The following SEZ6L variants were observed in gnomAD, a reference collection of about 807,000 sequenced individuals.
The protein encoded by SEZ6L is seizure related 6 homolog like, also known as seizure 6-like protein.
In SEZ6L, 37 loss-of-function variants were observed where a neutral mutation model predicts 106.2. That is an observed-to-expected ratio of 0.35 (90% CI 0.27 to 0.46). The LOEUF is 0.46. Among genes scored for constraint, SEZ6L ranks in the 20% least tolerant of loss-of-function variants. SEZ6L has a pLI of 1.00. For synonymous variants in SEZ6L, 541 were observed against 570.4 expected (o/e 0.95, Z 0.73); for missense variants, 1,172 against 1,332.8 (o/e 0.88, Z 1.88).
chr22:26,327,338 A>G (rs1345418823), intron 9 of SEZ6L, among the ~76,000 whole-genome samples: 1 of 111,248 alleles, frequency 9.0e-6, no homozygotes, highest in African/African-American at 3.7e-5. Flanking sequence ...ACCCCCACAC[A>G]CACACCACAC....
chr22:26,319,989 A>G (rs2082110300), intron 9 of SEZ6L, among the ~76,000 whole-genome samples: 1 of 152,228 alleles, frequency 6.6e-6, no homozygotes, highest in African/African-American at 2.4e-5. Context: ...CCTTCTGGGG[A>G]CATGGCCTCC....
chr22:26,345,724 G>A (rs1206989722), intron 10 of SEZ6L, among the ~76,000 whole-genome samples: 2 of 152,234 alleles, frequency 1.3e-5, no homozygotes, highest in East Asian at 3.8e-4. Flanking sequence ...CCTGCAGACA[G>A]CGGAGGTGCT....
intron 1 of SEZ6L, among the ~76,000 whole-genome samples, chr22:26,179,483 C>T (rs1939243967): frequency 6.6e-6 from 1 of 152,168 alleles, no homozygotes; most frequent in African/African-American, 2.4e-5. Flanking sequence ...AAGAAACAGG[C>T]TCTCACCAGA....
At position 26,382,162 on chromosome 22, in the gene SEZ6L, G is replaced by A. The variant is rs1157921696; in HGVS notation, c.*1867G>A. The A allele has an allele frequency of 2.3e-6, 1 of 432,620 alleles. No homozygotes were observed. Among genetic ancestry groups the A allele is most frequent in the Non-Finnish European group, 4.6e-6 (1 of 216,346 alleles). 26.8% of individuals were successfully genotyped at this position (432,620 alleles called of 1,614,324 possible). On this transcript the variant is annotated 3_prime_UTR_variant, in exon 17 of 17. Transcript: ENST00000248933. ...AGAAATAGCTAAAGGCTGCTTTCCA[G>A]GACCCAAAGCCCCATTTAATGCAAG...
rs1242748008 is a variant in SEZ6L at position 26,377,771 on chromosome 22, CAG to C, written c.3042_3043del (p.Glu1016AsnfsTer5). 5 of 1,606,614 alleles carry C rather than the reference CAG, an allele frequency of 3.1e-6. No individual in the cohort carries two copies. The highest frequency in any genetic ancestry group is 2.7e-5 in the African/African-American group (2 of 74,758). On this transcript the variant is annotated frameshift_variant and splice_region_variant, in exon 16 of 17. Coordinates refer to ENST00000248933, the MANE Select transcript of SEZ6L (RefSeq NM_021115.5). LOFTEE classifies it high-confidence loss of function. ...GAGTTTGACAACCCCATTTACGAGA[CAG>C]GGGTGAGTTGGTCTCTCTCGTCTCT... is the stretch of plus-strand genomic sequence containing the variant.
intron 1 of SEZ6L, among the ~76,000 whole-genome samples, chr22:26,212,595 G>T (rs1220013095): frequency 1.3e-5 from 2 of 152,008 alleles, no homozygotes; most frequent in Non-Finnish European, 2.9e-5. Flanking sequence ...CCCAATTTTT[G>T]TATTTTTTGT....
At position 26,220,905 on chromosome 22, in the gene SEZ6L, ATGG is replaced by A. The variant is rs2078447113; in HGVS notation, c.94+51143_94+51145del. ...AAATACTGTATGAATGGATGGATGG[ATGG>A]ATGGATGGATGGATGGATGGGTGGA... On this transcript the variant is annotated intron_variant, in intron 1 of 16. Transcript: ENST00000248933. Among the ~76,000 whole-genome samples, 5 of 151,552 alleles carry A rather than the reference ATGG, an allele frequency of 3.3e-5. 1 individual carries two copies. Among genetic ancestry groups the A allele is most frequent in the Admixed American group, 3.3e-4 (5 of 15,194 alleles).
intron 1 of SEZ6L, among the ~76,000 whole-genome samples, chr22:26,283,764 T>G (rs566186061): frequency 1.9e-4 from 29 of 152,232 alleles, no homozygotes; most frequent in African/African-American, 6.7e-4. Flanking sequence ...AAATGCCACA[T>G]TCAGGGCAGT....
chr22:26,247,800 G>T (rs1304527116), intron 1 of SEZ6L, among the ~76,000 whole-genome samples: 1 of 152,188 alleles, frequency 6.6e-6, no homozygotes, highest in Non-Finnish European at 1.5e-5. Context: ...AAATTGTGAT[G>T]ATATAGCGGA....
chr22:26,371,401 C>T (rs1048215234), intron 13 of SEZ6L, among the ~76,000 whole-genome samples: 5 of 152,150 alleles, frequency 3.3e-5, no homozygotes, highest in South Asian at 4.2e-4. Context: ...TCCACCTCCT[C>T]GCCAGCACTG....
At chr22:26,294,222 A>ACC in intron 2 of SEZ6L, 70 bp from the exon 3 acceptor site, 1 of 1,530,966 alleles carries the variant, frequency 6.5e-7, no homozygotes. Context: ...CCCCCATTCC[A>ACC]CCCCACAGCC....
intron 1 of SEZ6L, among the ~76,000 whole-genome samples, chr22:26,286,774 T>G (rs2080947788): frequency 6.8e-6 from 1 of 146,082 alleles, no homozygotes; most frequent in Admixed American, 7.0e-5. Flanking sequence ...TGAGATGGAA[T>G]TTTTGCTCTG....
At chr22:26,222,683 C>A (rs575605595) in intron 1 of SEZ6L, among the ~76,000 whole-genome samples, 17 of 152,208 alleles carry the variant, frequency 1.1e-4, no homozygotes, top group African/African-American at 3.6e-4. Flanking sequence ...CCGGGGGGAA[C>A]GCCCACATAC....
At chr22:26,348,660 AAG>A (rs1239830783) in intron 11 of SEZ6L, among the ~76,000 whole-genome samples, 2 of 61,936 alleles carry the variant, frequency 3.2e-5, no homozygotes, top group African/African-American at 1.6e-4. Context: ...GAAAGAAAGA[AAG>A]AAAGAAAGAA....
At chr22:26,239,173 A>G (rs933027057) in intron 1 of SEZ6L, among the ~76,000 whole-genome samples, 6 of 152,182 alleles carry the variant, frequency 3.9e-5, no homozygotes, top group African/African-American at 1.2e-4. Flanking sequence ...GCAGTGAGCC[A>G]TGATCGGGCC....
Position 26,365,479 on chromosome 22 carries a change from G to A in SEZ6L, c.2707G>A (p.Glu903Lys), listed in dbSNP as rs754107857. ...AGAGTCCCTCACCTTCATGTGCTAC[G>A]AAGGCTTTGAGCTCATGGGTGAAGT... The part of the protein sequence containing the change: ...PGESLTFMCY[E>K]GFELMGEVTI... Residue 903 changes from glutamate to lysine, a missense_variant, in exon 13 of 17, where the codon GAA (glutamate) becomes AAA (lysine). Glu to Lys is a moderately conservative substitution (Grantham distance 56). Coordinates refer to ENST00000248933, the MANE Select transcript of SEZ6L (RefSeq NM_021115.5). 7 of 1,614,182 alleles carry A rather than the reference G, an allele frequency of 4.3e-6. No individual in the cohort carries two copies. The highest frequency in any genetic ancestry group is 4.5e-5 in the East Asian group (2 of 44,884).
intron 1 of SEZ6L, among the ~76,000 whole-genome samples, chr22:26,273,687 G>A (rs944806919): frequency 6.6e-6 from 1 of 152,236 alleles, no homozygotes; most frequent in Non-Finnish European, 1.5e-5. Context: ...TGGAGGAAGA[G>A]GGTAGAGATG....
intron 9 of SEZ6L, among the ~76,000 whole-genome samples, chr22:26,324,953 C>T (rs922022901): frequency 2.6e-5 from 4 of 152,000 alleles, no homozygotes; most frequent in African/African-American, 9.7e-5. Context: ...TAGCTGGGCT[C>T]GCAGGTGGGT....
At chr22:26,189,549 A>C (rs2145651779) in intron 1 of SEZ6L, among the ~76,000 whole-genome samples, 1 of 152,354 alleles carries the variant, frequency 6.6e-6, no homozygotes, top group East Asian at 1.9e-4. Context: ...AAATAATACA[A>C]ACTTAAAATT....
Sources: gnomAD v4.1 joint callset for allele counts (sites outside exome capture counted in the v4.1 genomes callset) on GRCh38, gnomAD v4.1.1 for gene constraint, MANE v1.5 for transcripts, NCBI Gene and HGNC (gene_info 2026-07-23, HGNC 2026-07-21) for gene names.